MAP7: variants seen among roughly 807,000 people sequenced by gnomAD.
The protein encoded by MAP7 is microtubule associated protein 7, also known as ensconsin.
A neutral mutation model predicts 94.8 loss-of-function variants in MAP7; 52 were observed. That is an observed-to-expected ratio of 0.55 (90% CI 0.44 to 0.69). The LOEUF (loss-of-function observed/expected upper bound fraction) is 0.69. Among genes scored for constraint, MAP7 ranks in the 30% least tolerant of loss-of-function variants. The pLI is 0.00. For synonymous variants in MAP7, 350 were observed against 357.0 expected, an observed-to-expected ratio of 0.98 and a Z score of 0.22; for missense variants, 940 against 964.6, an observed-to-expected ratio of 0.97 and a Z score of 0.34.
intron 1 of MAP7, among the ~76,000 whole-genome samples, chr6:136,474,739 G>A (rs1240162714): frequency 1.4e-4 from 20 of 143,860 alleles, no homozygotes; most frequent in Admixed American, 2.7e-4. Flanking sequence ...TTTTTTTGGT[G>A]ACAGCATCTT....
chr6:136,543,379 C>A (rs769971206), intron 1 of MAP7, among the ~76,000 whole-genome samples: 1 of 152,092 alleles, frequency 6.6e-6, no homozygotes, highest in Non-Finnish European at 1.5e-5. Context: ...CTGGGTGCAG[C>A]GGCTCACGCC....
At chr6:136,485,345 T>A (rs1814287600) in intron 1 of MAP7, among the ~76,000 whole-genome samples, 1 of 152,234 alleles carries the variant, frequency 6.6e-6, no homozygotes, top group Non-Finnish European at 1.5e-5. Flanking sequence ...TGCAGGATTG[T>A]CTTTAAAAGA....
At chr6:136,445,403 T>C (rs1300085514) in intron 1 of MAP7, among the ~76,000 whole-genome samples, 1 of 152,202 alleles carries the variant, frequency 6.6e-6, no homozygotes, top group Non-Finnish European at 1.5e-5. Context: ...CCAGATCCCC[T>C]TGTCCTGTCA....
At chr6:136,455,305 T>C (rs1562420412) in intron 1 of MAP7, among the ~76,000 whole-genome samples, 1 of 152,132 alleles carries the variant, frequency 6.6e-6, no homozygotes, top group South Asian at 2.1e-4. Context: ...TAAATATATA[T>C]GCACCCAATA....
At chr6:136,526,764 T>C in intron 1 of MAP7, 2 of 814,114 alleles carry the variant, frequency 2.5e-6, no homozygotes, top group African/African-American at 1.9e-5. Context: ...GGCCAGGTTG[T>C]CTATCATAAC....
intron 1 of MAP7, among the ~76,000 whole-genome samples, chr6:136,428,625 A>G (rs1353503935): frequency 6.6e-6 from 1 of 152,242 alleles, no homozygotes; most frequent in Non-Finnish European, 1.5e-5. Flanking sequence ...TAACAGCAAA[A>G]GATAATTCTA....
chr6:136,437,883 T>C (rs1187095611), intron 1 of MAP7, among the ~76,000 whole-genome samples: 1 of 152,220 alleles, frequency 6.6e-6, no homozygotes, highest in African/African-American at 2.4e-5. Flanking sequence ...TCTTAGTAAT[T>C]GGTTTTAGAT....
chr6:136,411,544 T>C (rs576085017), intron 3 of MAP7, 76 bp downstream of exon 3: 4 of 1,246,064 alleles, frequency 3.2e-6, no homozygotes, highest in Non-Finnish European at 4.5e-6. Context: ...GTAAAATTCA[T>C]AAAGGTATGC....
At chr6:136,511,827 T>C (rs1823374988) in intron 1 of MAP7, among the ~76,000 whole-genome samples, 1 of 152,192 alleles carries the variant, frequency 6.6e-6, no homozygotes, top group Non-Finnish European at 1.5e-5. Flanking sequence ...AAAATACTTA[T>C]AATAATTCAA....
chr6:136,471,060 CA>C (rs1313067088), intron 1 of MAP7, among the ~76,000 whole-genome samples: 1 of 152,056 alleles, frequency 6.6e-6, no homozygotes, highest in Non-Finnish European at 1.5e-5. Context: ...TTTTAACAGG[CA>C]AATGCTGAGA....
In MAP7 at chr6:136,346,022, A is replaced by C; in HGVS notation, c.2073T>G (p.Asn691Lys). Residue 691 changes from asparagine (N) to lysine (K), a missense_variant, in exon 17 of 18, where the codon AAT (asparagine) becomes AAG (lysine). Physicochemically the swap from Asn to Lys is moderately conservative, Grantham distance 94. Transcript: ENST00000354570. ...TGGGTAAGTTTATAATTTCTTCAAA[A>C]TTTTCATTCTGAACAGATACACCAT... ...NENGVSVQNE[N>K]FEEIINLPIG... 1 of 1,613,878 alleles carries C rather than the reference A, an allele frequency of 6.2e-7. No homozygotes were observed.
At chr6:136,535,634 G>A (rs906790321) in intron 1 of MAP7, among the ~76,000 whole-genome samples, 5 of 151,418 alleles carry the variant, frequency 3.3e-5, no homozygotes, top group African/African-American at 1.2e-4. Flanking sequence ...TAACCAACCA[G>A]AACACTAAAA....
At chr6:136,468,649 A>G (rs1807936219) in intron 1 of MAP7, among the ~76,000 whole-genome samples, 1 of 152,220 alleles carries the variant, frequency 6.6e-6, no homozygotes, top group Non-Finnish European at 1.5e-5. Flanking sequence ...AGTGTTGAAT[A>G]TCTCATGTAA....
intron 2 of MAP7, chr6:136,419,986 A>T: frequency 1.4e-6 from 1 of 737,818 alleles, no homozygotes; most frequent in Non-Finnish European, 2.5e-6. Flanking sequence ...AATAACTGCA[A>T]AGGACTGTTG....
In MAP7 at chr6:136,466,614, G is replaced by T. The variant is rs1199765179; in HGVS notation, c.68-44815C>A. 4.1e-5 allele frequency: 26 copies of T among 635,848 alleles called. No individual in the cohort carries two copies. In the South Asian group the frequency reaches 8.9e-4, roughly 22 times the overall value. 39.4% of individuals were successfully genotyped at this position (635,848 alleles called of 1,614,324 possible). A position where few individuals can be genotyped will look rare whatever the true frequency, so the allele number is the denominator to read the frequency against. On this transcript the variant is annotated intron_variant, in intron 1 of 17. Coordinates refer to ENST00000354570, the MANE Select transcript of MAP7 (RefSeq NM_003980.6). ...CTTTTTCTAAGGACATTAAAACAAT[G>T]ATTAAAAAAAAAAAGATTAGAAGAT...
At chr6:136,476,327 T>C (rs1318962029) in intron 1 of MAP7, among the ~76,000 whole-genome samples, 3 of 152,212 alleles carry the variant, frequency 2.0e-5, no homozygotes, top group Non-Finnish European at 4.4e-5. Context: ...CATGTGCCTA[T>C]TTAAATTTAA....
At position 136,356,736 on chromosome 6, in the gene MAP7, G is replaced by A; in HGVS notation, c.1971C>T (p.Ser657=). Residue 657 remains serine (S), a synonymous_variant, in exon 16 of 18, where the codon AGC becomes AGT. Coordinates refer to ENST00000354570, the MANE Select transcript of MAP7 (RefSeq NM_003980.6). ...NAPGNGKPVG[S]PHVVTSHQSK... is the part of the protein sequence containing the mutation. The stretch of plus-strand genomic sequence containing the variant: ...ACTGGTGTGAGGTAACCACATGTGG[G>A]CTGCCAACTGGCTTTCCATTTCCCG... 1 of 1,614,126 alleles carries A rather than the reference G, an allele frequency of 6.2e-7. No homozygotes were observed. The highest frequency in any genetic ancestry group is 1.1e-5 in the South Asian group (1 of 91,056).
intron 10 of MAP7, 75 bp from the exon 11 acceptor site, chr6:136,362,777 A>C: frequency 6.7e-7 from 1 of 1,501,890 alleles, no homozygotes; most frequent in Non-Finnish European, 8.8e-7. Context: ...AGCATTCCCC[A>C]CATCCAAGGC....
At chr6:136,537,765 T>A (rs1357937085) in intron 1 of MAP7, among the ~76,000 whole-genome samples, 1 of 152,130 alleles carries the variant, frequency 6.6e-6, no homozygotes, top group Non-Finnish European at 1.5e-5. Flanking sequence ...AAATGACATA[T>A]TTTCAGATTT....
Sources: allele counts gnomAD v4.1 joint callset (sites outside exome capture counted in the v4.1 genomes callset), GRCh38; gene constraint gnomAD v4.1.1; transcripts MANE v1.5; gene names NCBI Gene and HGNC (gene_info 2026-07-23, HGNC 2026-07-21).